The following EPHA6 variants were observed in gnomAD, a reference collection of about 807,000 sequenced individuals.
EPHA6 encodes the protein ephrin type-A receptor 6.
Under a neutral mutation model 112.0 loss-of-function variants are expected in EPHA6, and 50 were observed. That is an observed-to-expected ratio of 0.45 (90% CI 0.36 to 0.56). The LOEUF is 0.56. Among genes scored for constraint, EPHA6 ranks in the 20% least tolerant of loss-of-function variants. EPHA6 has a pLI of 0.00. For synonymous variants in EPHA6, 529 were observed against 490.7 expected, an observed-to-expected ratio of 1.08 and a Z score of -1.03; for missense variants, 1,280 against 1,417.4, an observed-to-expected ratio of 0.90 and a Z score of 1.56.
intron 7 of EPHA6, among the ~76,000 whole-genome samples, chr3:97,453,134 GT>G (rs1280159842): frequency 6.6e-6 from 1 of 151,626 alleles, no homozygotes; most frequent in Non-Finnish European, 1.5e-5. Context: ...AATTTTGCAT[GT>G]GCAGTTTTAA....
chr3:96,964,834 T>A lies in EPHA6; in HGVS notation c.451-22496T>A, dbSNP rs937273941. ...TCAAGTGCTAGCAAATTACTCTCTG[T>A]AATGGCTGCAAAAGTCTACTGTCTT... On this transcript the variant is annotated intron_variant, in intron 2 of 17. Coordinates refer to ENST00000389672, the MANE Select transcript of EPHA6 (RefSeq NM_001080448.3). Among the ~76,000 whole-genome samples the A allele has an allele frequency of 4.6e-5, 7 of 152,286 alleles. No homozygotes were observed. The East Asian group carries it at 1.2e-3, about 25-fold the overall frequency.
intron 5 of EPHA6, among the ~76,000 whole-genome samples, chr3:97,373,771 T>C (rs1350754333): frequency 3.3e-5 from 5 of 152,154 alleles, no homozygotes; most frequent in Non-Finnish European, 7.4e-5. Context: ...AATTCATACA[T>C]TGTAGTAAAA....
At chr3:97,014,151 A>G (rs1254841802) in intron 3 of EPHA6, among the ~76,000 whole-genome samples, 1 of 152,192 alleles carries the variant, frequency 6.6e-6, no homozygotes, top group East Asian at 1.9e-4. Flanking sequence ...TAAGATAGAG[A>G]TAAACAGATA....
At chr3:97,449,697 G>A (rs1216947309) in intron 7 of EPHA6, among the ~76,000 whole-genome samples, 1 of 152,052 alleles carries the variant, frequency 6.6e-6, no homozygotes, top group African/African-American at 2.4e-5. Context: ...TAAGCAACTA[G>A]TAAGAAGCTA....
chr3:97,225,145 G>C (rs1038499841), intron 3 of EPHA6, among the ~76,000 whole-genome samples: 2 of 151,990 alleles, frequency 1.3e-5, no homozygotes, highest in Admixed American at 6.6e-5. Context: ...TTAGTAGAGA[G>C]GGGGTTTCAC....
rs145183180 is a variant in EPHA6 at position 97,658,824 on chromosome 3, A to G, written c.2784+20742A>G. On this transcript the variant is annotated intron_variant, in intron 14 of 17. Transcript: ENST00000389672. The stretch of plus-strand genomic sequence containing the variant: ...AAAACAACACCTTTGTAAAAGCATC[A>G]AACCATGCTACCAAAGGGTCATGAT... 2.1e-3 allele frequency among the ~76,000 whole-genome samples: 325 copies of G among 152,060 alleles called. 2 individuals are homozygous for G. Among genetic ancestry groups the G allele is most frequent in the African/African-American group, 7.7e-3 (318 of 41,514 alleles).
intron 5 of EPHA6, among the ~76,000 whole-genome samples, chr3:97,314,918 G>T: frequency 6.6e-6 from 1 of 151,560 alleles, no homozygotes; most frequent in East Asian, 1.9e-4. Flanking sequence ...CTAGCAAGAG[G>T]TGTTTCATTG....
At chr3:96,946,385 T>C (rs2041259074) in intron 2 of EPHA6, among the ~76,000 whole-genome samples, 1 of 151,546 alleles carries the variant, frequency 6.6e-6, no homozygotes, top group South Asian at 2.1e-4. Context: ...CCAAGTGTTC[T>C]CATTGTTCAA....
intron 3 of EPHA6, chr3:97,009,960 T>C (rs993630723): frequency 3.3e-6 from 2 of 610,756 alleles, no homozygotes; most frequent in Admixed American, 2.4e-5. Context: ...TTGGTTGCCG[T>C]TGAAGGATTC....
chr3:97,158,431 A>G (rs2076337933), intron 3 of EPHA6, among the ~76,000 whole-genome samples: 1 of 152,110 alleles, frequency 6.6e-6, no homozygotes, highest in Non-Finnish European at 1.5e-5. Flanking sequence ...AGGCACCTCA[A>G]GTGGTCATGG....
intron 3 of EPHA6, among the ~76,000 whole-genome samples, chr3:97,064,691 C>T (rs1346120732): frequency 6.6e-6 from 1 of 152,102 alleles, no homozygotes; most frequent in Non-Finnish European, 1.5e-5. Flanking sequence ...GAGGTAATGA[C>T]ATTTACATTA....
chr3:97,318,754 T>G (rs2081964165), intron 5 of EPHA6, among the ~76,000 whole-genome samples: 1 of 151,986 alleles, frequency 6.6e-6, no homozygotes, highest in Admixed American at 6.6e-5. Flanking sequence ...CATGGTATTA[T>G]ATAAATATTA....
intron 2 of EPHA6, among the ~76,000 whole-genome samples, chr3:96,937,975 T>C (rs1258091598): frequency 1.3e-5 from 2 of 152,212 alleles, no homozygotes; most frequent in African/African-American, 2.4e-5. Flanking sequence ...ATATCTCTGT[T>C]TTAGTAGCAG....
chr3:97,645,932 C>T (rs752812269), intron 14 of EPHA6, among the ~76,000 whole-genome samples: 8 of 151,750 alleles, frequency 5.3e-5, no homozygotes, highest in South Asian at 4.2e-4. Context: ...AGAGAGGCTG[C>T]GAGGGCTTAA....
chr3:97,698,417 T>G (rs566388114), intron 14 of EPHA6, among the ~76,000 whole-genome samples: 1 of 152,212 alleles, frequency 6.6e-6, no homozygotes, highest in Non-Finnish European at 1.5e-5. Context: ...AAGGTTTTTT[T>G]TTTTTGTAAA....
chr3:97,382,465 GTTTAT>G (rs1361105997), intron 5 of EPHA6, among the ~76,000 whole-genome samples: 1 of 152,010 alleles, frequency 6.6e-6, no homozygotes, highest in African/African-American at 2.4e-5. Flanking sequence ...GAAGTAAGTG[GTTTAT>G]TTTTTCAAAA....
At chr3:97,624,892 A>AT (rs2093843038) in intron 13 of EPHA6, among the ~76,000 whole-genome samples, 2 of 151,530 alleles carry the variant, frequency 1.3e-5, no homozygotes, top group African/African-American at 4.8e-5. Context: ...AATTGGTAGT[A>AT]ATATTACACC....
intron 14 of EPHA6, among the ~76,000 whole-genome samples, chr3:97,689,306 C>T (rs964911778): frequency 2.0e-5 from 3 of 152,214 alleles, no homozygotes; most frequent in Admixed American, 2.0e-4. Context: ...AGATGTGGTA[C>T]TGCCAATAAT....
At chr3:97,666,079 A>G (rs1397026684) in intron 14 of EPHA6, among the ~76,000 whole-genome samples, 1 of 151,704 alleles carries the variant, frequency 6.6e-6, no homozygotes, top group East Asian at 1.9e-4. Context: ...AAAAGAATAC[A>G]CATGAATGCC....
Sources: gnomAD v4.1 joint callset for allele counts (sites outside exome capture counted in the v4.1 genomes callset) on GRCh38, gnomAD v4.1.1 for gene constraint, MANE v1.5 for transcripts, NCBI Gene and HGNC (gene_info 2026-07-23, HGNC 2026-07-21) for gene names.